The following LRP1B variants were observed in gnomAD, a reference collection of about 807,000 sequenced individuals.
LRP1B encodes the protein low-density lipoprotein receptor-related protein 1B.
Under a neutral mutation model 556.6 loss-of-function variants are expected in LRP1B, and 217 were observed. The ratio of observed to expected loss-of-function variants is 0.39; its 90% CI spans 0.35 to 0.44. The LOEUF (loss-of-function observed/expected upper bound fraction) is 0.44. LRP1B is among the 20% of genes least tolerant of loss of function. The pLI is 1.00. For missense variants in LRP1B, 5,053 were observed against 5,620.8 expected (o/e 0.90, Z 3.23); for synonymous variants, 2,047 against 1,865.8 (o/e 1.10, Z -2.50).
intron 2 of LRP1B, among the ~76,000 whole-genome samples, chr2:141,549,145 G>C (rs996363883): frequency 6.6e-6 from 1 of 152,080 alleles, no homozygotes; most frequent in Non-Finnish European, 1.5e-5. Context: ...CACAAATTTT[G>C]GAGTTAGACA....
At chr2:140,651,856 C>T (rs903974086) in intron 41 of LRP1B, among the ~76,000 whole-genome samples, 3 of 152,068 alleles carry the variant, frequency 2.0e-5, no homozygotes, top group African/African-American at 4.8e-5. Flanking sequence ...AACAGGTTTG[C>T]CTTCCAGGGT....
intron 86 of LRP1B, among the ~76,000 whole-genome samples, chr2:140,247,927 T>G (rs1681239189): frequency 6.6e-6 from 1 of 151,734 alleles, no homozygotes; most frequent in South Asian, 2.1e-4. Flanking sequence ...AAGATGCCTT[T>G]GTGCATCTGT....
At chr2:140,974,162 G>C (rs1340034384) in intron 18 of LRP1B, among the ~76,000 whole-genome samples, 1 of 152,124 alleles carries the variant, frequency 6.6e-6, no homozygotes, top group Non-Finnish European at 1.5e-5. Flanking sequence ...GAATACTTAG[G>C]AAGGCAGATC....
rs189546963 is a variant in LRP1B at position 141,250,571 on chromosome 2, G to T, written c.464-3217C>A. Among the ~76,000 whole-genome samples the T allele has an allele frequency of 5.3e-5, 8 of 152,184 alleles. No homozygotes were observed. In the East Asian group the frequency reaches 1.5e-3, roughly 29 times the overall value. ...CTTTATAATAAACTAACAAACATAA[G>T]GAAAATATTTCCTTGAGTTCTGTGA... On this transcript the variant is annotated intron_variant, in intron 4 of 90. Transcript: ENST00000389484.
At chr2:140,884,591 C>T in intron 24 of LRP1B, among the ~76,000 whole-genome samples, 1 of 152,138 alleles carries the variant, frequency 6.6e-6, no homozygotes, top group South Asian at 2.1e-4. Flanking sequence ...CTAAGACTTG[C>T]AAGATGTAAC....
intron 7 of LRP1B, among the ~76,000 whole-genome samples, chr2:141,183,082 T>TG (rs914657241): frequency 1.9e-4 from 29 of 151,830 alleles, no homozygotes; most frequent in African/African-American, 6.8e-4. Context: ...ACATAGTGGT[T>TG]GGGGGTGGGG....
At chr2:141,611,066 T>C (rs1473429446) in intron 2 of LRP1B, among the ~76,000 whole-genome samples, 3 of 152,190 alleles carry the variant, frequency 2.0e-5, no homozygotes, top group South Asian at 2.1e-4. Flanking sequence ...GAAGGATCTC[T>C]AGCTGCTAGA....
intron 41 of LRP1B, among the ~76,000 whole-genome samples, chr2:140,645,383 T>C (rs1438173926): frequency 6.6e-6 from 1 of 152,060 alleles, no homozygotes; most frequent in East Asian, 1.9e-4. Flanking sequence ...CTAAAATGAT[T>C]GTTACCATTA....
intron 3 of LRP1B, among the ~76,000 whole-genome samples, chr2:141,365,013 G>A (rs1688965143): frequency 6.6e-6 from 1 of 150,984 alleles, no homozygotes; most frequent in South Asian, 2.1e-4. Flanking sequence ...CCAAACACTT[G>A]CAATTCACTG....
At chr2:140,248,031 T>TA (rs1181227313) in intron 86 of LRP1B, among the ~76,000 whole-genome samples, 4 of 151,536 alleles carry the variant, frequency 2.6e-5, no homozygotes, top group South Asian at 2.1e-4. Flanking sequence ...TTGTACACAA[T>TA]AAAAAAACAG....
At chr2:141,509,651 A>T (rs1684050860) in intron 2 of LRP1B, among the ~76,000 whole-genome samples, 1 of 152,192 alleles carries the variant, frequency 6.6e-6, no homozygotes, top group Non-Finnish European at 1.5e-5. Context: ...CAAAATGTTG[A>T]AACAACTGGA....
chr2:140,356,190 C>T, intron 75 of LRP1B, 152 bp downstream of exon 75: 1 of 754,314 alleles, frequency 1.3e-6, no homozygotes, highest in South Asian at 1.8e-5. Flanking sequence ...CTCTTGACCC[C>T]AGAGACTTTC....
At chr2:141,752,715 G>A (rs1434377475) in intron 2 of LRP1B, among the ~76,000 whole-genome samples, 1 of 151,296 alleles carries the variant, frequency 6.6e-6, no homozygotes, top group African/African-American at 2.4e-5. Context: ...GGCGAGGTGG[G>A]TCAGCCATCA....
At chr2:140,384,974 G>A (rs755781609) in intron 67 of LRP1B, among the ~76,000 whole-genome samples, 1 of 152,128 alleles carries the variant, frequency 6.6e-6, no homozygotes, top group Non-Finnish European at 1.5e-5. Context: ...TATTCAGGCC[G>A]AGTGTGGCAG....
chr2:140,701,871 T>A (rs755925632), intron 39 of LRP1B, 26 bp from the exon 40 acceptor site: 19 of 1,611,886 alleles, frequency 1.2e-5, no homozygotes, highest in Non-Finnish European at 1.5e-5. Flanking sequence ...ACATACATGA[T>A]CAACAATCTT....
At chr2:142,035,878 G>C (rs549845831) in intron 1 of LRP1B, among the ~76,000 whole-genome samples, 2 of 151,704 alleles carry the variant, frequency 1.3e-5, no homozygotes, top group African/African-American at 4.8e-5. Context: ...ATTGAATCAC[G>C]GGAGCCAGTC....
intron 33 of LRP1B, 30 bp downstream of exon 33, chr2:140,776,068 A>C: frequency 6.6e-7 from 1 of 1,504,442 alleles, no homozygotes; most frequent in Non-Finnish European, 8.9e-7. Context: ...CGTATTCAAG[A>C]CCTGGCACAA....
chr2:142,127,982 A>C (rs1707715074), intron 1 of LRP1B, among the ~76,000 whole-genome samples: 1 of 152,082 alleles, frequency 6.6e-6, no homozygotes, highest in Non-Finnish European at 1.5e-5. Flanking sequence ...TTTATCTTCC[A>C]ATTTTGGCTG....
At chr2:140,484,383 T>C (rs554580591) in intron 59 of LRP1B, among the ~76,000 whole-genome samples, 1 of 152,136 alleles carries the variant, frequency 6.6e-6, no homozygotes, top group African/African-American at 2.4e-5. Context: ...AAAATCTAAT[T>C]GTTGCATATG....
Sources: gnomAD v4.1 joint callset for allele counts (sites outside exome capture counted in the v4.1 genomes callset) on GRCh38, gnomAD v4.1.1 for gene constraint, MANE v1.5 for transcripts, NCBI Gene and HGNC (gene_info 2026-07-23, HGNC 2026-07-21) for gene names.